MAN2A1: variants seen among roughly 807,000 people sequenced by gnomAD.
MAN2A1 encodes the protein alpha-mannosidase 2.
In MAN2A1, 76 loss-of-function variants were observed where a neutral mutation model predicts 142.6. The ratio of observed to expected loss-of-function variants is 0.53; its 90% CI spans 0.44 to 0.65. MAN2A1 has a LOEUF of 0.65. Among genes scored for constraint, MAN2A1 ranks in the 30% least tolerant of loss-of-function variants. The pLI is 0.00. For synonymous variants in MAN2A1, 559 were observed against 473.2 expected, an observed-to-expected ratio of 1.18 and a Z score of -2.35; for missense variants, 1,311 against 1,365.1, an observed-to-expected ratio of 0.96 and a Z score of 0.62.
At chr5:109,835,675 T>C (rs558364763) in intron 16 of MAN2A1, among the ~76,000 whole-genome samples, 3 of 152,338 alleles carry the variant, frequency 2.0e-5, no homozygotes, top group South Asian at 4.1e-4. Flanking sequence ...AGTGAGGTTC[T>C]TTTTTGTCGT....
At chr5:109,721,683 A>G (rs954853604) in intron 3 of MAN2A1, among the ~76,000 whole-genome samples, 1 of 152,182 alleles carries the variant, frequency 6.6e-6, no homozygotes, top group Non-Finnish European at 1.5e-5. Flanking sequence ...TCTGTTTTAG[A>G]GGAAGAATAG....
chr5:109,698,060 A>T (rs1030007105), intron 1 of MAN2A1, among the ~76,000 whole-genome samples: 1 of 152,200 alleles, frequency 6.6e-6, no homozygotes, highest in Admixed American at 6.5e-5. Flanking sequence ...GGCAAAATTG[A>T]TCCATAGCTT....
chr5:109,796,273 C>T (rs1052844199), intron 12 of MAN2A1, among the ~76,000 whole-genome samples: 32 of 152,206 alleles, frequency 2.1e-4, no homozygotes, highest in African/African-American at 7.2e-4. Context: ...AGCTTGGAAC[C>T]ACAGAAGATT....
chr5:109,701,166 C>T (rs1750970930), intron 1 of MAN2A1, among the ~76,000 whole-genome samples: 1 of 152,080 alleles, frequency 6.6e-6, no homozygotes, highest in African/African-American at 2.4e-5. Flanking sequence ...TTTTACATTC[C>T]TGATATAAAG....
intron 16 of MAN2A1, among the ~76,000 whole-genome samples, chr5:109,833,560 C>G (rs971871023): frequency 3.3e-5 from 5 of 152,070 alleles, no homozygotes; most frequent in African/African-American, 1.2e-4. Context: ...ATCCCAGGCA[C>G]TCGGCAGGCT....
intron 20 of MAN2A1, among the ~76,000 whole-genome samples, chr5:109,862,030 G>A (rs1319046321): frequency 6.6e-6 from 1 of 152,138 alleles, no homozygotes. Flanking sequence ...GATAAAATGA[G>A]TTAATTGATG....
intron 20 of MAN2A1, among the ~76,000 whole-genome samples, chr5:109,859,753 G>A (rs547755052): frequency 3.3e-5 from 5 of 152,250 alleles, no homozygotes; most frequent in Non-Finnish European, 7.4e-5. Context: ...TGATGAGTCA[G>A]GCTTCTGAAG....
At chr5:109,805,934 T>G (rs1362139562) in intron 12 of MAN2A1, among the ~76,000 whole-genome samples, 1 of 152,186 alleles carries the variant, frequency 6.6e-6, no homozygotes, top group African/African-American at 2.4e-5. Flanking sequence ...AATTTTCTTT[T>G]TACCACCTCT....
At chr5:109,718,938 T>G (rs1751528294) in intron 3 of MAN2A1, among the ~76,000 whole-genome samples, 1 of 152,092 alleles carries the variant, frequency 6.6e-6, no homozygotes, top group Non-Finnish European at 1.5e-5. Flanking sequence ...GCTTTTCTTT[T>G]AAGTTCCCTC....
chr5:109,835,112 TA>T (rs1316765398), intron 16 of MAN2A1, among the ~76,000 whole-genome samples: 2 of 152,222 alleles, frequency 1.3e-5, no homozygotes, highest in Non-Finnish European at 2.9e-5. Flanking sequence ...TTAATAACCA[TA>T]AGCTTGAGCT....
intron 16 of MAN2A1, among the ~76,000 whole-genome samples, chr5:109,831,757 G>T (rs1754912171): frequency 6.6e-6 from 1 of 151,942 alleles, no homozygotes; most frequent in South Asian, 2.1e-4. Flanking sequence ...TTGTGGTTCA[G>T]AGCCTTGTTA....
chr5:109,831,659 T>C (rs1267931948), intron 16 of MAN2A1, among the ~76,000 whole-genome samples: 1 of 152,210 alleles, frequency 6.6e-6, no homozygotes, highest in African/African-American at 2.4e-5. Context: ...ACTAGCTTTT[T>C]CTTTAACTGT....
chr5:109,717,142 A>G (rs1042139816), intron 3 of MAN2A1, among the ~76,000 whole-genome samples: 5 of 151,920 alleles, frequency 3.3e-5, no homozygotes, highest in Non-Finnish European at 7.4e-5. Context: ...TTTTCTTAAT[A>G]TCTCGATTTC....
intron 4 of MAN2A1, among the ~76,000 whole-genome samples, chr5:109,731,178 T>G (rs1389941718): frequency 3.3e-5 from 5 of 151,998 alleles, no homozygotes; most frequent in African/African-American, 1.2e-4. Context: ...CATTGGGATA[T>G]CTGTCACCTC....
rs1261590859 is a variant in MAN2A1 at position 109,767,634 on chromosome 5, A to G, written c.935A>G (p.Gln312Arg). ...NRAGLSHMLI[Q>R]RVHYAVKKHF... ...GCTGGACTTTCTCACATGCTTATCC[A>G]GAGAGTTCATTATGCAGTTAAAAAA... The change falls in exon 6 of 22, where the codon CAG becomes CGG. Residue 312 changes from glutamine (Q) to arginine (R), a missense_variant. Around this residue, in one of 3 missense-constraint regions of MAN2A1, gnomAD observed 409 missense variants for 412.7 expected, o/e 0.99. Coordinates refer to ENST00000261483, the MANE Select transcript of MAN2A1 (RefSeq NM_002372.4). 1 of 1,613,808 alleles carries G rather than the reference A, an allele frequency of 6.2e-7. No homozygotes were observed.
At chr5:109,718,044 C>T (rs563462740) in intron 3 of MAN2A1, among the ~76,000 whole-genome samples, 1 of 152,152 alleles carries the variant, frequency 6.6e-6, no homozygotes, top group African/African-American at 2.4e-5. Context: ...CTCATAATCA[C>T]TTGACTATTC....
chr5:109,863,552 G>GT (rs1755808691), intron 20 of MAN2A1: 1 of 152,114 alleles, frequency 6.6e-6, no homozygotes, highest in African/African-American at 2.4e-5. Flanking sequence ...TACTTACATA[G>GT]TATTTTCAAC....
At chr5:109,728,355 C>G (rs1046327753) in intron 3 of MAN2A1, among the ~76,000 whole-genome samples, 2 of 152,114 alleles carry the variant, frequency 1.3e-5, no homozygotes, top group Non-Finnish European at 2.9e-5. Flanking sequence ...CTTTAATTCT[C>G]TCACATGTAA....
At chr5:109,708,053 AG>A (rs1206556589) in intron 1 of MAN2A1, among the ~76,000 whole-genome samples, 2 of 152,142 alleles carry the variant, frequency 1.3e-5, no homozygotes, top group Non-Finnish European at 2.9e-5. Flanking sequence ...AAGAGAGTAT[AG>A]AGAGGTAAGA....
Sources: gnomAD v4.1 joint callset for allele counts (sites outside exome capture counted in the v4.1 genomes callset) on GRCh38, gnomAD v4.1.1 for gene constraint, gnomAD v4.1.1 regional missense constraint, MANE v1.5 for transcripts, NCBI Gene and HGNC (gene_info 2026-07-23, HGNC 2026-07-21) for gene names.